The following PDSS1 variants were observed in gnomAD, a reference collection of about 807,000 sequenced individuals.
The protein encoded by PDSS1 is decaprenyl diphosphate synthase subunit 1, also known as all trans-polyprenyl-diphosphate synthase PDSS1.
PDSS1 carries 43 observed loss-of-function variants against 57.5 expected under a neutral mutation model. That is an observed-to-expected ratio of 0.75 (90% CI 0.59 to 0.96). The LOEUF is 0.96. Among genes scored for constraint, PDSS1 ranks in the 50% least tolerant of loss-of-function variants. PDSS1 has a pLI of 0.00. For missense variants in PDSS1, 438 were observed against 527.8 expected (o/e 0.83, Z 1.67); for synonymous variants, 175 against 191.3 (o/e 0.91, Z 0.70).
chr10:26,744,161 TAAAC>T (rs1345244429), intron 11 of PDSS1, among the ~76,000 whole-genome samples: 3 of 151,772 alleles, frequency 2.0e-5, no homozygotes, highest in African/African-American at 7.3e-5. Context: ...AGGAAGAAAA[TAAAC>T]AAAAAAGTGG....
intron 8 of PDSS1, among the ~76,000 whole-genome samples, chr10:26,730,309 T>A (rs1278413170): frequency 1.3e-5 from 2 of 152,110 alleles, no homozygotes; most frequent in African/African-American, 4.8e-5. Flanking sequence ...GCTGTTGTTT[T>A]GAATGTTTGA....
chr10:26,736,774 T>C (rs1836420436), intron 10 of PDSS1, among the ~76,000 whole-genome samples: 1 of 152,156 alleles, frequency 6.6e-6, no homozygotes, highest in Non-Finnish European at 1.5e-5. Flanking sequence ...CTTTGGAGGC[T>C]GAGGTAAGAA....
intron 1 of PDSS1, among the ~76,000 whole-genome samples, chr10:26,699,047 C>T (rs1318230969): frequency 1.3e-5 from 2 of 152,144 alleles, no homozygotes; most frequent in African/African-American, 4.8e-5. Flanking sequence ...ATTGTTCGAT[C>T]CCAGGAGTTC....
At chr10:26,723,954 C>A in intron 7 of PDSS1, 37 bp downstream of exon 7, 5 of 1,580,032 alleles carry the variant, frequency 3.2e-6, no homozygotes, top group Non-Finnish European at 4.4e-6. Flanking sequence ...TGTTATTCAA[C>A]CCTGGTGTTT....
In PDSS1 at chr10:26,704,083, C is replaced by CAAAAAAAAAAAAAAAAAAAAAAAAAA. The variant is rs1203931422; in HGVS notation, c.163-575_163-574insAAAAAAAAAAAAAAAAAAAAAAAAAA. 4.2e-3 allele frequency among the ~76,000 whole-genome samples: 130 copies of CAAAAAAAAAAAAAAAAAAAAAAAAAA among 31,018 alleles called. 17 individuals carry two copies. The highest frequency in any genetic ancestry group is 6.3e-3 in the Admixed American group (11 of 1,746). The allele number at this position is 31,018 out of a possible 152,430, so 20.3% of individuals were successfully genotyped here. A position where few individuals can be genotyped will look rare whatever the true frequency, so the allele number is the denominator to read the frequency against. ...GACGACAGAACGAGACTCCGTCTCA[C>CAAAAAAAAAAAAAAAAAAAAAAAAAA]AAAAAAAAAAAAAAAAAAATATGGC... On this transcript the variant is annotated intron_variant, in intron 2 of 11. Transcript: ENST00000376215.
chr10:26,706,432 C>T (rs1014061670), intron 4 of PDSS1, among the ~76,000 whole-genome samples: 16 of 152,170 alleles, frequency 1.1e-4, no homozygotes, highest in Admixed American at 7.2e-4. Context: ...CCTTCTCTGG[C>T]GATTGCCTGC....
chr10:26,699,114 A>G (rs1834966048), intron 1 of PDSS1, among the ~76,000 whole-genome samples: 1 of 152,216 alleles, frequency 6.6e-6, no homozygotes, highest in Non-Finnish European at 1.5e-5. Flanking sequence ...CCTGGGCAAC[A>G]GTGTGAGACC....
At chr10:26,700,246 T>G in intron 1 of PDSS1, among the ~76,000 whole-genome samples, 1 of 150,366 alleles carries the variant, frequency 6.7e-6, no homozygotes, top group African/African-American at 2.5e-5. Flanking sequence ...ACTCAAGCCA[T>G]TCCCCCCTCC....
At chr10:26,735,153 C>G in intron 8 of PDSS1, 87 bp from the exon 9 acceptor site, 1 of 899,784 alleles carries the variant, frequency 1.1e-6, no homozygotes, top group Non-Finnish European at 1.9e-6. Context: ...CCGCTGCCTC[C>G]TATTTTAAGG....
At chr10:26,734,815 A>G (rs541783110) in intron 8 of PDSS1, 46 of 452,812 alleles carry the variant, frequency 1.0e-4, no homozygotes, top group Admixed American at 6.3e-4. Flanking sequence ...TGAGGGATAC[A>G]TTGATAGAGA....
intron 11 of PDSS1, among the ~76,000 whole-genome samples, chr10:26,745,402 A>AAGAT (rs959269910): frequency 2.0e-4 from 30 of 152,340 alleles, no homozygotes; most frequent in African/African-American, 7.2e-4. Context: ...GAGCTCATAG[A>AAGAT]AGATAAAATC....
chr10:26,744,362 A>G (rs1836730437), intron 11 of PDSS1, among the ~76,000 whole-genome samples: 7 of 124,762 alleles, frequency 5.6e-5, no homozygotes. Context: ...CATAAACACT[A>G]TTTTATTTTA....
rs376713087 is a variant in PDSS1 at position 26,705,637 on chromosome 10, G to A, written c.336+243G>A. 2.6e-4 allele frequency among the ~76,000 whole-genome samples: 40 copies of A among 152,058 alleles called. No homozygotes were observed. In the South Asian group the frequency reaches 8.3e-3, roughly 32 times the overall value. On this transcript the variant is annotated intron_variant, in intron 4 of 11. Transcript: ENST00000376215. ...TATAGGCATGCGCCATCACACCTGG[G>A]TAATTTTTGTATTTTTAGTGAAGAC...
intron 8 of PDSS1, among the ~76,000 whole-genome samples, chr10:26,729,940 T>C (rs1467437433): frequency 2.3e-5 from 3 of 127,762 alleles, no homozygotes; most frequent in Non-Finnish European, 4.8e-5. Context: ...TGAGACGGAG[T>C]CTTGCTCTTT....
At chr10:26,705,869 A>G (rs1411367896) in intron 4 of PDSS1, among the ~76,000 whole-genome samples, 1 of 152,210 alleles carries the variant, frequency 6.6e-6, no homozygotes, top group South Asian at 2.1e-4. Flanking sequence ...GGCAATATGA[A>G]GAATGCAATA....
At chr10:26,738,123 A>G (rs1343607164) in intron 10 of PDSS1, among the ~76,000 whole-genome samples, 2 of 152,250 alleles carry the variant, frequency 1.3e-5, no homozygotes, top group African/African-American at 2.4e-5. Context: ...ATTCTTAGCA[A>G]GAAATGTGTC....
chr10:26,707,153 G>A (rs1361321566), intron 4 of PDSS1, among the ~76,000 whole-genome samples: 2 of 152,160 alleles, frequency 1.3e-5, no homozygotes, highest in Non-Finnish European at 2.9e-5. Context: ...AGCATGCTCA[G>A]TGTGTTTACC....
chr10:26,724,162 A>C (rs1235301574), intron 8 of PDSS1, 39 bp downstream of exon 8: 1 of 1,392,828 alleles, frequency 7.2e-7, no homozygotes, highest in African/African-American at 1.4e-5. Flanking sequence ...AAAGCCTCAT[A>C]GCTCTTTTTT....
chr10:26,702,690 G>T (rs552795186), intron 2 of PDSS1, among the ~76,000 whole-genome samples: 1 of 152,006 alleles, frequency 6.6e-6, no homozygotes, highest in Non-Finnish European at 1.5e-5. Flanking sequence ...AATACACCTC[G>T]TTTCTAAAAA....
Sources: allele counts gnomAD v4.1 joint callset (sites outside exome capture counted in the v4.1 genomes callset), GRCh38; gene constraint gnomAD v4.1.1; transcripts MANE v1.5; gene names NCBI Gene and HGNC (gene_info 2026-07-23, HGNC 2026-07-21).